Variants in EIF2B3 observed in about 807,000 individuals in gnomAD.
The protein encoded by EIF2B3 is translation initiation factor eIF2B subunit gamma.
In EIF2B3, 20 loss-of-function variants were observed where a neutral mutation model predicts 54.1. The ratio of observed to expected loss-of-function variants is 0.37; its 90% confidence interval spans 0.26 to 0.54. The LOEUF (loss-of-function observed/expected upper bound fraction) is 0.54, where lower values mean the gene tolerates loss of function less well. Among genes scored for constraint, EIF2B3 ranks in the 20% least tolerant of loss-of-function variants. The pLI is 0.86. For synonymous variants in EIF2B3, 153 were observed against 188.1 expected, an observed-to-expected ratio of 0.81 and a Z score of 1.52; for missense variants, 448 against 547.8, an observed-to-expected ratio of 0.82 and a Z score of 1.82.
At chr1:44,971,131 C>A (rs1295153824) in intron 3 of EIF2B3, among the ~76,000 whole-genome samples, 2 of 152,184 alleles carry the variant, frequency 1.3e-5, no homozygotes, top group African/African-American at 4.8e-5. Flanking sequence ...CGCCTATAAT[C>A]CCAGCACTTT....
intron 5 of EIF2B3, among the ~76,000 whole-genome samples, chr1:44,914,483 A>T (rs1267814318): frequency 6.6e-6 from 1 of 152,172 alleles, no homozygotes; most frequent in Non-Finnish European, 1.5e-5. Context: ...AAAATACAGA[A>T]AAGTACAAAG....
chr1:44,917,672 G>T (rs1410753950), intron 5 of EIF2B3, among the ~76,000 whole-genome samples: 1 of 143,398 alleles, frequency 7.0e-6, no homozygotes. Context: ...TCCCTTTCCT[G>T]CCCATTTTCT....
intron 5 of EIF2B3, among the ~76,000 whole-genome samples, chr1:44,897,737 C>CTTT (rs36113373): frequency 3.1e-4 from 42 of 134,480 alleles, no homozygotes; most frequent in African/African-American, 1.0e-3. Flanking sequence ...TGATCGTTAA[C>CTTT]TTTTTTTTTT....
intron 5 of EIF2B3, among the ~76,000 whole-genome samples, chr1:44,898,809 C>T (rs1656066952): frequency 6.6e-6 from 1 of 152,178 alleles, no homozygotes; most frequent in Non-Finnish European, 1.5e-5. Context: ...CCTCCTGCCT[C>T]AGCCTCCTGT....
chr1:44,944,046 A>C (rs1557698120), intron 3 of EIF2B3, among the ~76,000 whole-genome samples: 1 of 152,150 alleles, frequency 6.6e-6, no homozygotes, highest in Non-Finnish European at 1.5e-5. Context: ...CGGGAGGCTG[A>C]GGCAGGAGAA....
At position 44,963,235 on chromosome 1, in the gene EIF2B3, A is replaced by C. The variant is rs9429139; in HGVS notation, c.294+15080T>G. ...CTCAAAAAACAAAAACAAAAACAAA[A>C]AAAACAAAACAAAAAAAAACCCCAG... On this transcript the variant is annotated intron_variant, in intron 3 of 11. Transcript: ENST00000360403. Among the ~76,000 whole-genome samples the C allele has an allele frequency of 7.0e-3, 1,061 of 151,914 alleles. 12 individuals are homozygous for C. The highest frequency in any genetic ancestry group is 0.024 in the African/African-American group (991 of 41,434).
Position 44,868,666 on chromosome 1 carries a change from G to A in EIF2B3, c.1202+6012C>T, listed in dbSNP as rs544127277. 7.2e-5 allele frequency among the ~76,000 whole-genome samples: 11 copies of A among 152,180 alleles called. No individual in the cohort carries two copies. The East Asian group carries it at 2.1e-3, about 29-fold the overall frequency. The stretch of plus-strand genomic sequence containing the variant: ...ACCCACAGAAGGGCAGGGAAAGGTT[G>A]CTAATTAGAGCATATGGGGAAAATT... On this transcript the variant is annotated intron_variant, in intron 10 of 11. Coordinates refer to ENST00000360403, the MANE Select transcript of EIF2B3 (RefSeq NM_020365.5).
At chr1:44,922,478 T>C (rs888713991) in intron 5 of EIF2B3, among the ~76,000 whole-genome samples, 4 of 150,550 alleles carry the variant, frequency 2.7e-5, no homozygotes, top group African/African-American at 9.8e-5. Flanking sequence ...TCCCAGCTAC[T>C]TGGGCGGCTG....
intron 3 of EIF2B3, among the ~76,000 whole-genome samples, chr1:44,964,323 T>C (rs1451284888): frequency 1.3e-5 from 2 of 152,120 alleles, no homozygotes; most frequent in African/African-American, 2.4e-5. Flanking sequence ...TTTAAGCAAG[T>C]TGGGACCAAG....
chr1:44,934,487 T>A (rs12733545), intron 4 of EIF2B3, among the ~76,000 whole-genome samples: 11 of 152,038 alleles, frequency 7.2e-5, no homozygotes, highest in Non-Finnish European at 1.2e-4. Flanking sequence ...TAAATTTTTT[T>A]AATTTTTTAT....
At chr1:44,965,117 A>G (rs1005191814) in intron 3 of EIF2B3, among the ~76,000 whole-genome samples, 1 of 152,212 alleles carries the variant, frequency 6.6e-6, no homozygotes, top group African/African-American at 2.4e-5. Flanking sequence ...GACATAGGAC[A>G]AAAATTTCTC....
intron 6 of EIF2B3, among the ~76,000 whole-genome samples, chr1:44,891,578 T>A (rs1456384383): frequency 6.6e-6 from 1 of 152,200 alleles, no homozygotes; most frequent in East Asian, 1.9e-4. Context: ...CTTTTGTGTA[T>A]GTGGTGGGGT....
At chr1:44,912,506 G>A (rs1643536301) in intron 5 of EIF2B3, among the ~76,000 whole-genome samples, 1 of 151,920 alleles carries the variant, frequency 6.6e-6, no homozygotes, top group Non-Finnish European at 1.5e-5. Context: ...TAACATCTCA[G>A]CCTTATCTCC....
At chr1:44,923,132 G>GT (rs1033009664) in intron 5 of EIF2B3, among the ~76,000 whole-genome samples, 4 of 151,950 alleles carry the variant, frequency 2.6e-5, no homozygotes, top group African/African-American at 9.7e-5. Context: ...GGAGTCTTTA[G>GT]TTTTTTCCAA....
At chr1:44,944,676 G>A (rs1334800920) in intron 3 of EIF2B3, among the ~76,000 whole-genome samples, 1 of 151,936 alleles carries the variant, frequency 6.6e-6, no homozygotes, top group Non-Finnish European at 1.5e-5. Context: ...TTTTTTAAAA[G>A]TTAGCCAGGT....
At chr1:44,873,824 A>G (rs956444399) in intron 10 of EIF2B3, among the ~76,000 whole-genome samples, 5 of 138,826 alleles carry the variant, frequency 3.6e-5, no homozygotes, top group African/African-American at 1.1e-4. Context: ...TTTTTTTTGT[A>G]TTTTTAGTAG....
At chr1:44,905,796 T>C (rs1643400676) in intron 5 of EIF2B3, among the ~76,000 whole-genome samples, 1 of 152,120 alleles carries the variant, frequency 6.6e-6, no homozygotes, top group Non-Finnish European at 1.5e-5. Flanking sequence ...ATGGAATAAA[T>C]AGGTACTACA....
intron 8 of EIF2B3, among the ~76,000 whole-genome samples, chr1:44,877,324 A>G (rs942610856): frequency 6.6e-6 from 1 of 150,644 alleles, no homozygotes; most frequent in African/African-American, 2.4e-5. Flanking sequence ...CATTCCCCCT[A>G]GGACCAAGAT....
At position 44,875,314 on chromosome 1, in the gene EIF2B3, G is replaced by C. The variant is rs1000618764; in HGVS notation, c.1053+304C>G. On this transcript the variant is annotated intron_variant, in intron 9 of 11. Coordinates refer to ENST00000360403, the MANE Select transcript of EIF2B3 (RefSeq NM_020365.5). ...ACCTGGATTGGTTACAGATCCAAGGGAGTCCCAAGCCAGAGAGCTTATGAG... is the reference window on the plus strand; with the variant it reads ...ACCTGGATTGGTTACAGATCCAAGGCAGTCCCAAGCCAGAGAGCTTATGAG... 7.9e-5 allele frequency among the ~76,000 whole-genome samples: 12 copies of C among 152,184 alleles called. 1 individual carries two copies. The highest frequency in any genetic ancestry group is 1.5e-4 in the Non-Finnish European group (10 of 68,032).
Sources: allele counts gnomAD v4.1 joint callset (sites outside exome capture counted in the v4.1 genomes callset), GRCh38; gene constraint gnomAD v4.1.1; transcripts MANE v1.5; gene names NCBI Gene and HGNC (gene_info 2026-07-23, HGNC 2026-07-21).